Variants in FBXW11 observed in about 807,000 individuals in gnomAD.
FBXW11 encodes the protein F-box/WD repeat-containing protein 11.
A neutral mutation model predicts 77.6 loss-of-function variants in FBXW11; 19 were observed. The ratio of observed to expected loss-of-function variants is 0.24; its 90% CI spans 0.17 to 0.36. The LOEUF is 0.36. Among genes scored for constraint, FBXW11 ranks in the 10% least tolerant of loss-of-function variants. The pLI is 1.00. For synonymous variants in FBXW11, 235 were observed against 249.4 expected, an observed-to-expected ratio of 0.94 and a Z score of 0.54; for missense variants, 334 against 704.2, an observed-to-expected ratio of 0.47 and a Z score of 5.95.
chr5:171,935,770 T>TATGACCAAAATTTATGGTATGAC (rs1294153479), intron 2 of FBXW11, among the ~76,000 whole-genome samples: 3 of 151,894 alleles, frequency 2.0e-5, no homozygotes, highest in Middle Eastern at 3.4e-3. Flanking sequence ...CAAAAAATTG[T>TATGACCAAAATTTATGGTATGAC]CAAAAAAATT....
chr5:171,977,709 T>C (rs1400679698), intron 1 of FBXW11: 2 of 414,094 alleles, frequency 4.8e-6, no homozygotes, highest in African/African-American at 2.1e-5. Flanking sequence ...TTAAGTAGAA[T>C]GGCAGCAAGC....
At chr5:172,006,328 C>A (rs1345449901) in intron 1 of FBXW11, 130 bp downstream of exon 1, 3 of 759,166 alleles carry the variant, frequency 4.0e-6, no homozygotes, top group African/African-American at 1.8e-5. Context: ...CCAGGGAAGG[C>A]TGGGGGCCCG....
rs73801496 is a variant in FBXW11, at chr5:171,881,306, T to C, written c.853-3177A>G. Among the ~76,000 whole-genome samples, 1,018 of 152,286 alleles carry C rather than the reference T, an allele frequency of 6.7e-3. 14 individuals are homozygous for C. Among genetic ancestry groups the C allele is most frequent in the African/African-American group, 0.024 (981 of 41,538 alleles). On this transcript the variant is annotated intron_variant, in intron 7 of 13. Coordinates refer to ENST00000517395, the MANE Select transcript of FBXW11 (RefSeq NM_001378974.1). ...CTTATTCCTGACCTTAGTGGGAAAGTTTCACATTTCTCAGCACTGTGTGTG... is the reference window on the plus strand; with the variant it reads ...CTTATTCCTGACCTTAGTGGGAAAGCTTCACATTTCTCAGCACTGTGTGTG...
intron 4 of FBXW11, among the ~76,000 whole-genome samples, chr5:171,902,552 C>T (rs1760199018): frequency 6.6e-6 from 1 of 152,156 alleles, no homozygotes; most frequent in Non-Finnish European, 1.5e-5. Flanking sequence ...TCTGCTAAAG[C>T]ACAACATCAA....
intron 3 of FBXW11, among the ~76,000 whole-genome samples, chr5:171,912,423 G>T (rs1356397534): frequency 6.6e-6 from 1 of 152,184 alleles, no homozygotes; most frequent in Non-Finnish European, 1.5e-5. Flanking sequence ...AAACAGAGAT[G>T]AAAAGTCTTT....
chr5:171,929,065 C>T (rs1172852991), intron 2 of FBXW11, among the ~76,000 whole-genome samples: 3 of 150,210 alleles, frequency 2.0e-5, no homozygotes, highest in Middle Eastern at 3.3e-3. Context: ...AGAGCAAGCT[C>T]CATCTAAAAA....
intron 1 of FBXW11, among the ~76,000 whole-genome samples, chr5:171,986,185 A>T (rs1765430888): frequency 6.6e-6 from 1 of 152,166 alleles, no homozygotes; most frequent in African/African-American, 2.4e-5. Flanking sequence ...AGGCAGGTGG[A>T]TCACTTGAGG....
chr5:171,925,441 A>AGTATC (rs1049167328), intron 2 of FBXW11, among the ~76,000 whole-genome samples: 3 of 152,302 alleles, frequency 2.0e-5, no homozygotes, highest in African/African-American at 7.2e-5. Context: ...CAAAAAAAAC[A>AGTATC]GTATCTGGCT....
chr5:171,895,133 A>C (rs1759656996), intron 6 of FBXW11, among the ~76,000 whole-genome samples: 2 of 152,170 alleles, frequency 1.3e-5, no homozygotes, highest in Non-Finnish European at 1.5e-5. Context: ...ACACAGGTGC[A>C]CCTCTTTATA....
intron 1 of FBXW11, among the ~76,000 whole-genome samples, chr5:171,971,429 G>A (rs1177162596): frequency 1.3e-5 from 2 of 152,030 alleles, no homozygotes; most frequent in South Asian, 2.1e-4. Context: ...CTTTTTCCAT[G>A]CGTTGTATGT....
At chr5:171,883,138 G>C (rs910979234) in intron 7 of FBXW11, among the ~76,000 whole-genome samples, 3 of 152,166 alleles carry the variant, frequency 2.0e-5, no homozygotes, top group Non-Finnish European at 2.9e-5. Flanking sequence ...TGGCTGCATA[G>C]TATTCCATCA....
chr5:171,946,854 G>A (rs1038979553), intron 2 of FBXW11, among the ~76,000 whole-genome samples: 10 of 112,316 alleles, frequency 8.9e-5, no homozygotes, highest in Non-Finnish European at 1.5e-4. Flanking sequence ...TCACTCTGTC[G>A]CCCAGGCTGG....
At chr5:171,903,154 T>C (rs1314515099) in intron 4 of FBXW11, among the ~76,000 whole-genome samples, 6 of 152,304 alleles carry the variant, frequency 3.9e-5, no homozygotes, top group Non-Finnish European at 7.3e-5. Flanking sequence ...TGGAGTACAG[T>C]GGCACAATCA....
At position 171,876,539 on chromosome 5, in the gene FBXW11, GAGAGA is replaced by G. The variant is rs1316986653; in HGVS notation, c.972-10_972-6del. The G allele has an allele frequency of 5.6e-6, 9 of 1,611,304 alleles. No homozygotes were observed. In the African/African-American group the frequency reaches 9.3e-5, roughly 17 times the overall value. Reference sequence around the variant, plus strand: ...CCCGTGTTCACATCCCACACTCTAGGAGAGAAGAGAAAAGCATGATGCTTAATTAT... The same window carrying G: ...CCCGTGTTCACATCCCACACTCTAGGAGAGAAAAGCATGATGCTTAATTAT... On this transcript the variant is annotated splice_polypyrimidine_tract_variant and splice_region_variant and intron_variant, in intron 8 of 13. Coordinates refer to ENST00000517395, the MANE Select transcript of FBXW11 (RefSeq NM_001378974.1). The surrounding 1 kb of genome is among the most constrained non-coding windows in gnomAD (Gnocchi z 4.2).
intron 2 of FBXW11, among the ~76,000 whole-genome samples, chr5:171,930,338 T>C (rs577236005): frequency 3.6e-4 from 55 of 152,340 alleles, no homozygotes; most frequent in Non-Finnish European, 6.9e-4. Flanking sequence ...AGTGAAAAAG[T>C]TGACACCTTC....
chr5:171,917,024 G>A lies in FBXW11; in HGVS notation c.148-2619C>T, dbSNP rs762906804. Among the ~76,000 whole-genome samples the A allele has an allele frequency of 5.3e-5, 8 of 152,220 alleles. No individual in the cohort carries two copies. In the South Asian group the frequency reaches 6.2e-4, roughly 12 times the overall value. Reference sequence around the variant, plus strand: ...CAACTTCCACCTCCCGGCTTCAAGCGATTCTCCCGCCTCAGCCTCCCAAGT... The same window carrying A: ...CAACTTCCACCTCCCGGCTTCAAGCAATTCTCCCGCCTCAGCCTCCCAAGT... On this transcript the variant is annotated intron_variant, in intron 2 of 13. Coordinates refer to ENST00000517395, the MANE Select transcript of FBXW11 (RefSeq NM_001378974.1).
At chr5:171,995,602 A>G (rs1483930338) in intron 1 of FBXW11, among the ~76,000 whole-genome samples, 4 of 151,988 alleles carry the variant, frequency 2.6e-5, no homozygotes, top group Admixed American at 2.0e-4. Context: ...AAATACAAAA[A>G]AATTAGCTGG....
intron 1 of FBXW11, chr5:171,977,757 T>A: frequency 2.8e-6 from 1 of 355,640 alleles, no homozygotes; most frequent in Non-Finnish European, 5.6e-6. Context: ...CTCCCCTTTT[T>A]AAGAAAGATC....
intron 2 of FBXW11, among the ~76,000 whole-genome samples, chr5:171,921,702 T>C (rs1761605443): frequency 6.6e-6 from 1 of 152,032 alleles, no homozygotes; most frequent in Non-Finnish European, 1.5e-5. Flanking sequence ...AGGAGAGCAA[T>C]ATTTACATTT....
Sources: allele counts gnomAD v4.1 joint callset (sites outside exome capture counted in the v4.1 genomes callset), GRCh38; gene constraint gnomAD v4.1.1; non-coding constraint Gnocchi (gnomAD v3.1); transcripts MANE v1.5; gene names NCBI Gene and HGNC (gene_info 2026-07-23, HGNC 2026-07-21).